Variants in GMEB1 observed in about 807,000 individuals in gnomAD.
GMEB1 encodes glucocorticoid modulatory element-binding protein 1.
Under a neutral mutation model 52.4 loss-of-function variants are expected in GMEB1, and 6 were observed. That is an observed-to-expected ratio of 0.11 (90% confidence interval 0.06 to 0.23). The LOEUF is 0.23. GMEB1 is among the 10% of genes least tolerant of loss of function. The pLI, the probability that GMEB1 is intolerant of heterozygous loss-of-function variation, is 1.00. For synonymous variants in GMEB1, 255 were observed against 244.9 expected (o/e 1.04, Z -0.38); for missense variants, 486 against 685.6 (o/e 0.71, Z 3.25).
chr1:28,697,781 G>A (rs1365246077), intron 6 of GMEB1, among the ~76,000 whole-genome samples: 1 of 152,214 alleles, frequency 6.6e-6, no homozygotes, highest in East Asian at 1.9e-4. Flanking sequence ...TGCTCTGCAG[G>A]CTAGGCGTGG....
intron 6 of GMEB1, among the ~76,000 whole-genome samples, chr1:28,700,340 G>C (rs912173116): frequency 6.6e-6 from 1 of 151,650 alleles, no homozygotes; most frequent in Non-Finnish European, 1.5e-5. Context: ...GTGAAACCCT[G>C]TCTCTACTAA....
intron 1 of GMEB1, among the ~76,000 whole-genome samples, chr1:28,670,173 A>ATTTATTTATTTATTTATTTG (rs1049993116): frequency 2.0e-5 from 3 of 151,752 alleles, no homozygotes; most frequent in South Asian, 2.1e-4. Flanking sequence ...TTATTTATTT[A>ATTTATTTATTTATTTATTTG]TTTGTTTTTT....
intron 2 of GMEB1, 124 bp from the exon 3 acceptor site, chr1:28,689,980 T>G: frequency 1.6e-6 from 1 of 618,260 alleles, no homozygotes. Context: ...TAGTCAGAGT[T>G]ATAAAGTATA....
intron 4 of GMEB1, among the ~76,000 whole-genome samples, chr1:28,692,198 T>A (rs780305140): frequency 6.7e-6 from 1 of 149,278 alleles, no homozygotes; most frequent in Admixed American, 6.8e-5. Flanking sequence ...AGATGGGGGG[T>A]TTTGCTATGT....
intron 5 of GMEB1, 96 bp downstream of exon 5, chr1:28,693,141 T>A (rs1670040749): frequency 1.9e-6 from 1 of 530,526 alleles, no homozygotes; most frequent in South Asian, 3.7e-5. Flanking sequence ...ACATTTTTAT[T>A]CTTTCTGAAG....
chr1:28,706,356 G>A (rs953598378), intron 8 of GMEB1, among the ~76,000 whole-genome samples: 1 of 152,054 alleles, frequency 6.6e-6, no homozygotes, highest in African/African-American at 2.4e-5. Context: ...TGTAATCCCA[G>A]CACTTTGGGA....
chr1:28,676,439 T>G (rs559870149), intron 1 of GMEB1, among the ~76,000 whole-genome samples: 1 of 152,200 alleles, frequency 6.6e-6, no homozygotes, highest in South Asian at 2.1e-4. Flanking sequence ...AAATATTGTA[T>G]AAAATTGGCC....
rs541059635 is a variant in GMEB1 at position 28,692,456 on chromosome 1, C to T, written c.337-486C>T. Among the ~76,000 whole-genome samples the T allele has an allele frequency of 5.3e-5, 8 of 151,422 alleles. No individual in the cohort carries two copies. In the East Asian group the frequency reaches 5.8e-4, roughly 11 times the overall value. On this transcript the variant is annotated intron_variant, in intron 4 of 9. Transcript: ENST00000373816. ...CTAAGGCAGGAGAATCACTTGAACC[C>T]GGGGGCAGAGGTTGCAGTGAGTTGA...
intron 1 of GMEB1, among the ~76,000 whole-genome samples, chr1:28,682,585 G>A (rs1669440446): frequency 7.0e-6 from 1 of 143,090 alleles, no homozygotes; most frequent in Non-Finnish European, 1.5e-5. Context: ...TCATGCCACA[G>A]CACTCGTCTG....
In GMEB1 at chr1:28,702,418, C is replaced by T. The variant is rs1557516850; in HGVS notation, c.599-20C>T. ...TTTTCGTTAAATTCACTGTTCTCACCTCTACTGGACTGTTTTTAGGTAGCA... is the reference window on the plus strand; with the variant it reads ...TTTTCGTTAAATTCACTGTTCTCACTTCTACTGGACTGTTTTTAGGTAGCA... On this transcript the variant is annotated intron_variant, in intron 6 of 9. Coordinates refer to ENST00000373816, the MANE Select transcript of GMEB1 (RefSeq NM_001319674.2). The T allele has an allele frequency of 6.2e-7, 1 of 1,608,816 alleles. No individual in the cohort carries two copies. The highest frequency in any genetic ancestry group is 1.3e-5 in the African/African-American group (1 of 74,906).
chr1:28,687,368 ACACACACACACAC>A (rs1669702591), intron 2 of GMEB1, among the ~76,000 whole-genome samples: 1 of 71,336 alleles, frequency 1.4e-5, no homozygotes, highest in African/African-American at 5.1e-5. Flanking sequence ...ACACACACAC[ACACACACACACAC>A]ACACACAAAA....
intron 1 of GMEB1, among the ~76,000 whole-genome samples, chr1:28,682,804 T>C (rs1234007483): frequency 6.6e-6 from 1 of 152,144 alleles, no homozygotes; most frequent in Admixed American, 6.6e-5. Context: ...AGAAAGTAGA[T>C]GTGATTCCTA....
At chr1:28,678,208 G>A (rs1044348704) in intron 1 of GMEB1, among the ~76,000 whole-genome samples, 5 of 151,874 alleles carry the variant, frequency 3.3e-5, no homozygotes, top group African/African-American at 1.2e-4. Flanking sequence ...AAAAAAGAAA[G>A]GAGAAGAAAG....
intron 5 of GMEB1, among the ~76,000 whole-genome samples, chr1:28,693,853 A>G: frequency 6.6e-6 from 1 of 152,128 alleles, no homozygotes; most frequent in Non-Finnish European, 1.5e-5. Context: ...ATCTCTTTCA[A>G]GAAAAATCCA....
At position 28,715,683 on chromosome 1, in the gene GMEB1, T is replaced by C. The variant is rs925365597; in HGVS notation, c.*910T>C. 1 of 151,252 alleles carries C rather than the reference T, an allele frequency of 6.6e-6. No individual in the cohort carries two copies. The highest frequency in any genetic ancestry group is 2.4e-5 in the African/African-American group (1 of 41,036). The allele number at this position is 151,252 out of a possible 1,614,324, so 9.4% of individuals were successfully genotyped here. On this transcript the variant is annotated 3_prime_UTR_variant, in exon 10 of 10. Transcript: ENST00000373816. Reference sequence around the variant, plus strand: ...TACTTCCAGAGGTGCAACTGACGCCTCTGGAGATCTCCAAAAGTTAGTACC... The same window carrying C: ...TACTTCCAGAGGTGCAACTGACGCCCCTGGAGATCTCCAAAAGTTAGTACC...
At chr1:28,700,323 T>A (rs973477713) in intron 6 of GMEB1, among the ~76,000 whole-genome samples, 1 of 151,640 alleles carries the variant, frequency 6.6e-6, no homozygotes, top group Non-Finnish European at 1.5e-5. Context: ...CCATCCTGGC[T>A]AGCATAGTGA....
intron 8 of GMEB1, among the ~76,000 whole-genome samples, chr1:28,706,491 C>A (rs906628533): frequency 2.0e-5 from 3 of 151,486 alleles, no homozygotes; most frequent in Non-Finnish European, 1.5e-5. Context: ...GTAATCCCAG[C>A]TACTCAGGAG....
intron 1 of GMEB1, among the ~76,000 whole-genome samples, chr1:28,676,417 C>G (rs1669152301): frequency 6.6e-6 from 1 of 152,124 alleles, no homozygotes; most frequent in Non-Finnish European, 1.5e-5. Context: ...GTTTCATTCA[C>G]AAAATTATTA....
At chr1:28,671,984 G>C (rs911049758) in intron 1 of GMEB1, among the ~76,000 whole-genome samples, 5 of 150,544 alleles carry the variant, frequency 3.3e-5, no homozygotes, top group Admixed American at 2.0e-4. Context: ...TGGGCGTGGT[G>C]GCAGATGCTT....
Sources: gnomAD v4.1 joint callset for allele counts (sites outside exome capture counted in the v4.1 genomes callset) on GRCh38, gnomAD v4.1.1 for gene constraint, MANE v1.5 for transcripts, NCBI Gene and HGNC (gene_info 2026-07-23, HGNC 2026-07-21) for gene names.